The following CNOT3 variants were observed in gnomAD, a reference collection of about 807,000 sequenced individuals.
CNOT3 encodes the protein CCR4-associated factor 3.
In CNOT3, 2 loss-of-function variants were observed where a neutral mutation model predicts 89.4. The observed-to-expected ratio is 0.02, with a 90% CI of 0.01 to 0.07. The LOEUF is 0.07. CNOT3 is among the 10% of genes least tolerant of loss of function. The pLI, the probability that CNOT3 is intolerant of heterozygous loss-of-function variation, is 1.00. For synonymous variants in CNOT3, 486 were observed against 402.0 expected, an observed-to-expected ratio of 1.21 and a Z score of -2.50; for missense variants, 664 against 1,010.2, an observed-to-expected ratio of 0.66 and a Z score of 4.65.
At position 54,148,069 on chromosome 19, in the gene CNOT3, G is replaced by C; in HGVS notation, c.895-79G>C. The C allele has an allele frequency of 8.6e-7, 1 of 1,166,496 alleles. No individual in the cohort carries two copies. Among genetic ancestry groups the C allele is most frequent in the Non-Finnish European group, 1.1e-6 (1 of 871,950 alleles). 72.3% of individuals were successfully genotyped at this position (1,166,496 alleles called of 1,614,324 possible). On this transcript the variant is annotated intron_variant, in intron 10 of 17. Coordinates refer to ENST00000221232, the MANE Select transcript of CNOT3 (RefSeq NM_014516.4). This position sits in a 1 kb window ranked among gnomAD's most constrained non-coding sequence, Gnocchi z 6.3. ...CCAGAGAGGAGGCTGCTGGGACAAAGATGGAGCCTGAGGTGGGGGTGGTGA... is the reference window on the plus strand; with the variant it reads ...CCAGAGAGGAGGCTGCTGGGACAAACATGGAGCCTGAGGTGGGGGTGGTGA...
Position 54,153,697 on chromosome 19 carries a change from C to G in CNOT3, c.2038-18C>G, listed in dbSNP as rs143843746. The stretch of plus-strand genomic sequence containing the variant: ...TTTGGGGGCCCCCTGATCCCCCTCT[C>G]CACTGTTCCTCCCCCAGGGCACTAA... On this transcript the variant is annotated intron_variant, in intron 16 of 17. Transcript: ENST00000221232. The G allele has an allele frequency of 6.2e-7, 1 of 1,612,182 alleles. No homozygotes were observed. Among genetic ancestry groups the G allele is most frequent in the South Asian group, 1.1e-5 (1 of 91,052 alleles).
Position 54,148,285 on chromosome 19 carries a change from C to T in CNOT3, c.1032C>T (p.Pro344=), listed in dbSNP as rs751821201. The change falls in exon 11 of 18, where the codon CCC becomes CCT. Residue 344 remains proline (P), a synonymous_variant. Coordinates refer to ENST00000221232, the MANE Select transcript of CNOT3 (RefSeq NM_014516.4). The surrounding 1 kb of genome is among the most constrained non-coding windows in gnomAD (Gnocchi z 6.3). ...CCACTCCTGGCAACAATGGGGTCCC[C>T]GCCCCCGCAGCACCCCCAAGTGCCC... ...LSTTPGNNGV[P]APAAPPSALG... 114 of 1,607,744 alleles carry T rather than the reference C, an allele frequency of 7.1e-5. 1 individual carries two copies. The highest frequency in any genetic ancestry group is 3.8e-4 in the East Asian group (17 of 44,598).
At position 54,143,748 on chromosome 19, in the gene CNOT3, C is replaced by T. The variant is rs2074550033; in HGVS notation, c.257C>T (p.Thr86Met). ...QLIDNRKLIE[T>M]QMERFKVVER... ...ATAGACAACCGCAAGCTCATTGAGA[C>T]GGTAGGAGCCCAGAGCCTGAGTCCC... The change falls in exon 5 of 18, where the codon ACG (threonine) becomes ATG (methionine). Residue 86 changes from threonine (T) to methionine (M), a missense_variant and splice_region_variant. Transcript: ENST00000221232. 1.9e-6 allele frequency: 3 copies of T among 1,613,296 alleles called. No individual in the cohort carries two copies. The highest frequency in any genetic ancestry group is 2.5e-6 in the Non-Finnish European group (3 of 1,179,552).
At chr19:54,150,599 G>GCCCAGGCTGTCCAGGAGGCAGTGTGCGCA (rs2075028557) in intron 13 of CNOT3, among the ~76,000 whole-genome samples, 1 of 113,238 alleles carries the variant, frequency 8.8e-6, no homozygotes, top group Non-Finnish European at 1.9e-5. Flanking sequence ...CAGTGTGCGC[G>GCCCAGGCTGTCCAGGAGGCAGTGTGCGCA]CCCAGGCTGT....
chr19:54,152,396 C>A, intron 14 of CNOT3, 32 bp from the exon 15 acceptor site: 2 of 1,613,780 alleles, frequency 1.2e-6, no homozygotes, highest in Non-Finnish European at 8.5e-7. Context: ...ATCCTCACCA[C>A]TGAGGGGGCC....
Position 54,148,354 on chromosome 19 carries a change from C to T in CNOT3, c.1101C>T (p.Thr367=), listed in dbSNP as rs762004272. ...CAGCTCCCAGCCACAACTCGGGCAC[C>T]CCTGCTCCCTATGCCCAGGCTGTGG... ...ASPAPSHNSG[T]PAPYAQAVAP... is the part of the protein sequence containing the mutation. The change falls in exon 11 of 18, where the codon ACC becomes ACT. Residue 367 remains threonine, a synonymous_variant. Transcript: ENST00000221232. This position sits in a 1 kb window ranked among gnomAD's most constrained non-coding sequence, Gnocchi z 6.3. 5.7e-6 allele frequency: 9 copies of T among 1,583,088 alleles called. No homozygotes were observed. The highest frequency in any genetic ancestry group is 1.8e-5 in the Admixed American group (1 of 56,784).
Position 54,146,637 on chromosome 19 carries a change from A to G in CNOT3, c.874A>G (p.Thr292Ala), listed in dbSNP as rs1302633453. The G allele has an allele frequency of 1.9e-6, 3 of 1,570,116 alleles. No individual in the cohort carries two copies. Among genetic ancestry groups the G allele is most frequent in the Non-Finnish European group, 2.6e-6 (3 of 1,140,004 alleles). The change falls in exon 10 of 18, where the codon ACA becomes GCA. Residue 292 changes from threonine (T) to alanine (A), a missense_variant. This residue lies in a region of CNOT3 where 545 missense variants were observed against 566.2 expected (regional missense o/e 0.96). Coordinates refer to ENST00000221232, the MANE Select transcript of CNOT3 (RefSeq NM_014516.4). Reference sequence around the variant, plus strand: ...AGATGATAAGAAGAGGGGACGTTCCACAGACAGTGAAGTCAGCCAGGTGGG... The same window carrying G: ...AGATGATAAGAAGAGGGGACGTTCCGCAGACAGTGAAGTCAGCCAGGTGGG... ...SEDDKKRGRS[T>A]DSEVSQSPAK...
rs1340314220 is a variant in CNOT3, at chr19:54,148,717, C to G, written c.1380C>G (p.Gly460=). ...GCCAGGCCTTGGGCCCCCCTTCCGG[C>G]CCCCACAACCCACCTCCCAGCACCT... The part of the protein sequence containing the change: ...ASSQALGPPS[G]PHNPPPSTSK... The change falls in exon 12 of 18, where the codon GGC becomes GGG. Residue 460 remains glycine, a synonymous_variant. Transcript: ENST00000221232. The surrounding 1 kb of genome is among the most constrained non-coding windows in gnomAD (Gnocchi z 6.3). 1 of 1,611,628 alleles carries G rather than the reference C, an allele frequency of 6.2e-7. No individual in the cohort carries two copies. Among genetic ancestry groups the G allele is most frequent in the African/African-American group, 1.3e-5 (1 of 75,010 alleles).
At chr19:54,142,627 G>A in intron 1 of CNOT3, 1 of 471,158 alleles carries the variant, frequency 2.1e-6, no homozygotes, top group Non-Finnish European at 3.9e-6. Flanking sequence ...AAACCTTTTT[G>A]AGTGTATTCT....
intron 12 of CNOT3, 76 bp from the exon 13 acceptor site, chr19:54,149,484 C>CAGA: frequency 1.1e-6 from 1 of 909,436 alleles, no homozygotes; most frequent in African/African-American, 1.7e-5. Flanking sequence ...TCTCCCCTCT[C>CAGA]TCCAGCCAGG....
At chr19:54,146,845 A>G (rs2074701084) in intron 10 of CNOT3, among the ~76,000 whole-genome samples, 188 bp downstream of exon 10, 1 of 152,198 alleles carries the variant, frequency 6.6e-6, no homozygotes, top group Non-Finnish European at 1.5e-5. Flanking sequence ...TCAAGGGGGT[A>G]GCACACAGGT....
chr19:54,153,463 C>G (rs1396091030), intron 16 of CNOT3: 3 of 775,976 alleles, frequency 3.9e-6, no homozygotes, highest in South Asian at 1.4e-5. Flanking sequence ...TCTCTCAGCT[C>G]TCATCACACA....
At chr19:54,139,303 C>T (rs1378021230) in intron 1 of CNOT3, among the ~76,000 whole-genome samples, 3 of 152,160 alleles carry the variant, frequency 2.0e-5, no homozygotes, top group Admixed American at 2.0e-4. Flanking sequence ...GACCAAGAAG[C>T]CCACTGCCCT....
Position 54,155,497 on chromosome 19 carries a change from C to A in CNOT3, c.*90C>A, listed in dbSNP as rs1283977695. ...CCTGCCCTGGAAGACTGGAGGGAGGCCCCAAGCCACGGGGCATCCCCCTCT... is the reference window on the plus strand; with the variant it reads ...CCTGCCCTGGAAGACTGGAGGGAGGACCCAAGCCACGGGGCATCCCCCTCT... On this transcript the variant is annotated 3_prime_UTR_variant, in exon 18 of 18. Transcript: ENST00000221232. 1.0e-5 allele frequency: 10 copies of A among 990,718 alleles called. No individual in the cohort carries two copies. In the African/African-American group the frequency reaches 1.3e-4, roughly 13 times the overall value. The allele number at this position is 990,718 out of a possible 1,614,324, so 61.4% of individuals were successfully genotyped here.
rs1436838442 is a variant in CNOT3 at position 54,144,015 on chromosome 19, C to A, written c.268C>A (p.Arg90=). 3 of 1,593,222 alleles carry A rather than the reference C, an allele frequency of 1.9e-6. No individual in the cohort carries two copies. The highest frequency in any genetic ancestry group is 1.7e-6 in the Non-Finnish European group (2 of 1,174,702). Residue 90 remains arginine (R), a synonymous_variant, in exon 6 of 18, where the codon CGG becomes AGG. Coordinates refer to ENST00000221232, the MANE Select transcript of CNOT3 (RefSeq NM_014516.4). This position sits in a 1 kb window ranked among gnomAD's most constrained non-coding sequence, Gnocchi z 4.8. ...ACTGCACTCTCTACAGCAAATGGAA[C>A]GGTTCAAAGTTGTGGAACGAGAGAC... The part of the protein sequence containing the change: ...NRKLIETQME[R]FKVVERETKT...
At position 54,144,867 on chromosome 19, in the gene CNOT3, G is replaced by T. The variant is rs587607099; in HGVS notation, c.483+535G>T. Among the ~76,000 whole-genome samples, 1 of 152,242 alleles carries T rather than the reference G, an allele frequency of 6.6e-6. No homozygotes were observed. Among genetic ancestry groups the T allele is most frequent in the East Asian group, 1.9e-4 (1 of 5,190 alleles). On this transcript the variant is annotated intron_variant, in intron 7 of 17. Transcript: ENST00000221232. This position sits in a 1 kb window ranked among gnomAD's most constrained non-coding sequence, Gnocchi z 4.8. ...GGGATACAAACTGTACAGACTTGCT[G>T]AAACCAGAAAGACAGGGAGGGGAGA...
chr19:54,148,616 C>T lies in CNOT3; in HGVS notation c.1283-4C>T. The T allele has an allele frequency of 6.2e-7, 1 of 1,609,484 alleles. No individual in the cohort carries two copies. The highest frequency in any genetic ancestry group is 8.5e-7 in the Non-Finnish European group (1 of 1,177,968). On this transcript the variant is annotated splice_polypyrimidine_tract_variant and splice_region_variant and intron_variant, in intron 11 of 17. Transcript: ENST00000221232. This position sits in a 1 kb window ranked among gnomAD's most constrained non-coding sequence, Gnocchi z 6.3. ...AGCCCTTTCCATTTACTCTTTGTTCCCAGGTTACAGCTCAGTTGTGGCAGA... is the reference window on the plus strand; with the variant it reads ...AGCCCTTTCCATTTACTCTTTGTTCTCAGGTTACAGCTCAGTTGTGGCAGA...
chr19:54,152,032 A>G (rs2075143511), intron 13 of CNOT3, among the ~76,000 whole-genome samples, 194 bp from the exon 14 acceptor site: 1 of 152,184 alleles, frequency 6.6e-6, no homozygotes, highest in African/African-American at 2.4e-5. Context: ...TCCTCTGCTG[A>G]TGAATGCGTC....
chr19:54,145,738 G>A lies in CNOT3; in HGVS notation c.624G>A (p.Glu208=), dbSNP rs2074637834. ...DAIRKIKDDV[E]YYVDSSQDPD... The stretch of plus-strand genomic sequence containing the variant: ...TCCGCAAGATCAAGGACGACGTTGA[G>A]TACTATGTTGACTCATCCCAGGACC... Residue 208 remains glutamate, a synonymous_variant, in exon 8 of 18, where the codon GAG becomes GAA. Transcript: ENST00000221232. This position sits in a 1 kb window ranked among gnomAD's most constrained non-coding sequence, Gnocchi z 5.9. The A allele has an allele frequency of 1.2e-6, 2 of 1,613,528 alleles. No homozygotes were observed. Among genetic ancestry groups the A allele is most frequent in the Admixed American group, 1.7e-5 (1 of 60,002 alleles).
Sources: gnomAD v4.1 joint callset for allele counts (sites outside exome capture counted in the v4.1 genomes callset) on GRCh38, gnomAD v4.1.1 for gene constraint, gnomAD v4.1.1 regional missense constraint, Gnocchi (gnomAD v3.1) non-coding constraint, MANE v1.5 for transcripts, NCBI Gene and HGNC (gene_info 2026-07-23, HGNC 2026-07-21) for gene names.